The following KSR2 variants were observed in gnomAD, a reference collection of about 807,000 sequenced individuals.
KSR2 encodes kinase suppressor of ras 2.
A neutral mutation model predicts 107.8 loss-of-function variants in KSR2; 25 were observed. That is an observed-to-expected ratio of 0.23 (90% confidence interval 0.17 to 0.32). KSR2 has a LOEUF of 0.32. KSR2 is among the 10% of genes least tolerant of loss of function. The pLI, the probability that KSR2 is intolerant of heterozygous loss-of-function variation, is 1.00. For synonymous variants in KSR2, 480 were observed against 507.0 expected (o/e 0.95, Z 0.71); for missense variants, 887 against 1,268.9 (o/e 0.70, Z 4.57).
chr12:117,526,436 C>G (rs1875172619), intron 13 of KSR2, among the ~76,000 whole-genome samples: 1 of 152,170 alleles, frequency 6.6e-6, no homozygotes, highest in Non-Finnish European at 1.5e-5. Flanking sequence ...CTTCCTGACC[C>G]AAAATACCTG....
At chr12:117,703,819 T>C (rs484659) in intron 4 of KSR2, among the ~76,000 whole-genome samples, 2 of 152,062 alleles carry the variant, frequency 1.3e-5, no homozygotes, top group Non-Finnish European at 2.9e-5. Flanking sequence ...AACTCCAACT[T>C]CATGAGGTAT....
chr12:117,676,269 C>T (rs1885114575), intron 4 of KSR2, among the ~76,000 whole-genome samples: 1 of 152,058 alleles, frequency 6.6e-6, no homozygotes, highest in Admixed American at 6.5e-5. Context: ...AATCAACCAG[C>T]GTCCTGGCAA....
In KSR2 at chr12:117,457,210, C is replaced by A. The variant is rs1306800511; in HGVS notation, c.*9989G>T. ...TGATGCTAACTAGTGCTTTAAAAAC[C>A]TATTTCCCTGCAATGTTCACTTAAG... On this transcript the variant is annotated 3_prime_UTR_variant, in exon 20 of 20. Transcript: ENST00000339824. The A allele has an allele frequency of 6.6e-6, 1 of 152,220 alleles. No homozygotes were observed. The highest frequency in any genetic ancestry group is 1.5e-5 in the Non-Finnish European group (1 of 68,042). 9.4% of individuals were successfully genotyped at this position (152,220 alleles called of 1,614,324 possible).
At chr12:117,609,310 C>T (rs1046222288) in intron 5 of KSR2, among the ~76,000 whole-genome samples, 13 of 152,090 alleles carry the variant, frequency 8.5e-5, no homozygotes, top group Admixed American at 6.5e-4. Context: ...GATCAGAATC[C>T]GTGTACAGTG....
chr12:117,863,162 T>C (rs1893367461), intron 1 of KSR2, among the ~76,000 whole-genome samples: 1 of 152,172 alleles, frequency 6.6e-6, no homozygotes, highest in South Asian at 2.1e-4. Flanking sequence ...AGGATGCGCA[T>C]GTGACCCAGG....
At chr12:117,695,573 G>T (rs767122527) in intron 4 of KSR2, among the ~76,000 whole-genome samples, 1 of 151,422 alleles carries the variant, frequency 6.6e-6, no homozygotes, top group Non-Finnish European at 1.5e-5. Flanking sequence ...TAGCTGGATG[G>T]GGTGGCACAC....
chr12:117,518,341 G>A (rs2137217979), intron 14 of KSR2, among the ~76,000 whole-genome samples: 1 of 152,154 alleles, frequency 6.6e-6, no homozygotes, highest in South Asian at 2.1e-4. Context: ...AAGATGTTTA[G>A]GTAATGCCCC....
intron 4 of KSR2, among the ~76,000 whole-genome samples, chr12:117,740,485 A>AC (rs1565990089): frequency 3.1e-5 from 4 of 130,248 alleles, no homozygotes; most frequent in African/African-American, 1.1e-4. Flanking sequence ...TATAACATAT[A>AC]ATATATATGT....
intron 3 of KSR2, among the ~76,000 whole-genome samples, chr12:117,808,354 C>T (rs146731986): frequency 9.4e-4 from 143 of 152,242 alleles, no homozygotes; most frequent in Middle Eastern, 6.8e-3. Flanking sequence ...TATCCACCCC[C>T]GCCTCCTAGA....
chr12:117,537,295 T>A (rs1380332590), intron 10 of KSR2, among the ~76,000 whole-genome samples: 1 of 152,234 alleles, frequency 6.6e-6, no homozygotes, highest in Non-Finnish European at 1.5e-5. Flanking sequence ...CATACTCCTA[T>A]GTCAAGGTAT....
At chr12:117,630,663 A>C (rs902436120) in intron 5 of KSR2, among the ~76,000 whole-genome samples, 5 of 152,120 alleles carry the variant, frequency 3.3e-5, no homozygotes, top group Non-Finnish European at 5.9e-5. Flanking sequence ...GATGGTTCTG[A>C]CCCAGCAGTG....
At position 117,466,963 on chromosome 12, in the gene KSR2, T is replaced by G; in HGVS notation, c.*236A>C. 1 of 452,630 alleles carries G rather than the reference T, an allele frequency of 2.2e-6. No homozygotes were observed. Among genetic ancestry groups the G allele is most frequent in the South Asian group, 5.2e-5 (1 of 19,094 alleles). 28.0% of individuals were successfully genotyped at this position (452,630 alleles called of 1,614,324 possible). ...CTGGGCCGCACTGATCAATAACGCA[T>G]CACCCTGGCTGGTCCGGTTCAGTCC... is the stretch of plus-strand genomic sequence containing the variant. On this transcript the variant is annotated 3_prime_UTR_variant, in exon 20 of 20. Transcript: ENST00000339824.
At chr12:117,776,559 T>G (rs1210289290) in intron 3 of KSR2, among the ~76,000 whole-genome samples, 1 of 152,142 alleles carries the variant, frequency 6.6e-6, no homozygotes, top group African/African-American at 2.4e-5. Context: ...TATATCTATA[T>G]TGCTGGGGGT....
At chr12:117,780,700 G>A (rs933961610) in intron 3 of KSR2, among the ~76,000 whole-genome samples, 4 of 152,176 alleles carry the variant, frequency 2.6e-5, no homozygotes, top group African/African-American at 4.8e-5. Flanking sequence ...AAACTTTGGT[G>A]TGTTTTCCTA....
intron 13 of KSR2, 24 bp downstream of exon 13, chr12:117,527,047 G>T (rs1355442884): frequency 6.2e-7 from 1 of 1,609,994 alleles, no homozygotes; most frequent in Non-Finnish European, 8.5e-7. Context: ...GGAAAATGTC[G>T]CTTCACTGCT....
At chr12:117,793,196 ACACACCAACATGCACACACCCT>A (rs1478242206) in intron 3 of KSR2, among the ~76,000 whole-genome samples, 10 of 138,480 alleles carry the variant, frequency 7.2e-5, no homozygotes, top group East Asian at 6.8e-4. Context: ...GTGCACACAT[ACACACCAACATGCACACACCCT>A]CACACCAACA....
chr12:117,717,665 AGGTGTGTGTG>A (rs1293462790), intron 4 of KSR2, among the ~76,000 whole-genome samples: 5 of 132,518 alleles, frequency 3.8e-5, no homozygotes, highest in African/African-American at 1.4e-4. Flanking sequence ...TGGGGCAGAC[AGGTGTGTGTG>A]TGTGTGTGTG....
intron 14 of KSR2, among the ~76,000 whole-genome samples, chr12:117,520,625 T>A (rs1874694760): frequency 6.6e-6 from 1 of 152,244 alleles, no homozygotes; most frequent in Non-Finnish European, 1.5e-5. Context: ...GATCATTTCC[T>A]TAAACTGTCG....
chr12:117,673,668 A>G lies in KSR2; in HGVS notation c.987-6010T>C, dbSNP rs149107359. 4.4e-4 allele frequency among the ~76,000 whole-genome samples: 67 copies of G among 151,836 alleles called. 1 individual carries two copies. Among genetic ancestry groups the G allele is most frequent in the African/African-American group, 1.6e-3 (66 of 41,548 alleles). On this transcript the variant is annotated intron_variant, in intron 4 of 19. Transcript: ENST00000339824. ...ATTCACCTTTCCATCCACCCTCATTACCAAGGCATGGTCAGGGGGAAAAAA... is the reference window on the plus strand; with the variant it reads ...ATTCACCTTTCCATCCACCCTCATTGCCAAGGCATGGTCAGGGGGAAAAAA...
Sources: allele counts gnomAD v4.1 joint callset (sites outside exome capture counted in the v4.1 genomes callset), GRCh38; gene constraint gnomAD v4.1.1; transcripts MANE v1.5; gene names NCBI Gene and HGNC (gene_info 2026-07-23, HGNC 2026-07-21).